Variants in GPC3 observed in about 807,000 individuals in gnomAD.
GPC3 encodes the protein glypican 3.
In GPC3, 3 loss-of-function variants were observed where a neutral mutation model predicts 34.4. The ratio of observed to expected loss-of-function variants is 0.09; its 90% CI spans 0.04 to 0.23. The LOEUF is 0.23. GPC3 is among the 10% of genes least tolerant of loss of function. The probability of loss-of-function intolerance (pLI) is 1.00; values close to 1 mark genes in which losing one functional copy is unlikely to be tolerated. For missense variants in GPC3, 351 were observed against 445.6 expected (o/e 0.79, Z 1.91); for synonymous variants, 177 against 174.0 (o/e 1.02, Z -0.13).
intron 5 of GPC3, among the ~76,000 whole-genome samples, chrX:133,662,642 T>C (rs1291733296): frequency 8.9e-6 from 1 of 112,264 alleles, no homozygotes; most frequent in African/African-American, 3.2e-5. Flanking sequence ...CCTTGTTGGT[T>C]CCAGACCTCT....
At chrX:133,806,937 C>T (rs892770433) in intron 2 of GPC3, among the ~76,000 whole-genome samples, 1 of 111,768 alleles carries the variant, frequency 8.9e-6, no homozygotes, top group Admixed American at 9.5e-5. Flanking sequence ...CGTGAGCCAC[C>T]GCACCCGGCC....
At chrX:133,889,294 C>T (rs183453921) in intron 2 of GPC3, among the ~76,000 whole-genome samples, 3 of 112,194 alleles carry the variant, frequency 2.7e-5, no homozygotes, top group Admixed American at 1.9e-4. Flanking sequence ...AAACATCCTG[C>T]AGTTTAGGAA....
At chrX:133,549,948 T>C (rs1569379585) in intron 7 of GPC3, among the ~76,000 whole-genome samples, 1 of 104,676 alleles carries the variant, frequency 9.6e-6, no homozygotes, top group African/African-American at 3.5e-5. Flanking sequence ...CTCTCCTTCC[T>C]CCCCCCTCTG....
chrX:133,661,575 TC>T (rs1852406429), intron 6 of GPC3, among the ~76,000 whole-genome samples, 154 bp downstream of exon 6: 4 of 6,789 alleles, frequency 5.9e-4, no homozygotes, highest in Admixed American at 1.1e-3. Context: ...TCTTTCTCTC[TC>T]TCTCTCTCTC....
chrX:133,693,200 TGA>T (rs1242661753), intron 4 of GPC3, among the ~76,000 whole-genome samples: 44 of 91,921 alleles, frequency 4.8e-4, no homozygotes, highest in Admixed American at 9.3e-4. Context: ...TGTGTGTGTG[TGA>T]GACAGAGAGA....
intron 3 of GPC3, among the ~76,000 whole-genome samples, chrX:133,744,227 A>G (rs1223312973): frequency 8.9e-6 from 1 of 112,197 alleles, no homozygotes; most frequent in Non-Finnish European, 1.9e-5. Context: ...TGAACAGGCA[A>G]CCTACAGAAT....
intron 6 of GPC3, among the ~76,000 whole-genome samples, chrX:133,635,724 C>A (rs1326295546): frequency 2.7e-5 from 3 of 109,882 alleles, no homozygotes; most frequent in Admixed American, 9.9e-5. Flanking sequence ...AGAAGTGAGA[C>A]CTTATGCAGA....
At chrX:133,643,571 T>C (rs937499783) in intron 6 of GPC3, among the ~76,000 whole-genome samples, 9 of 111,857 alleles carry the variant, frequency 8.0e-5, no homozygotes, top group Non-Finnish European at 1.9e-5. Flanking sequence ...ATACTACTAA[T>C]GTTTTGATAT....
chrX:133,717,303 A>G (rs868170349), intron 3 of GPC3, among the ~76,000 whole-genome samples: 1 of 110,888 alleles, frequency 9.0e-6, no homozygotes, highest in South Asian at 3.9e-4. Context: ...CAAGAAGGCA[A>G]TGGGATTAAG....
chrX:133,947,619 C>T (rs934736174), intron 2 of GPC3, among the ~76,000 whole-genome samples: 2 of 111,611 alleles, frequency 1.8e-5, no homozygotes, highest in Non-Finnish European at 3.8e-5. Flanking sequence ...TTTCCAATTG[C>T]CCTAATAATT....
intron 6 of GPC3, among the ~76,000 whole-genome samples, chrX:133,653,823 T>C (rs147508729): frequency 0.037 from 4,118 of 112,194 alleles, 188 homozygotes; most frequent in African/African-American, 0.13. Context: ...GTACTTACTG[T>C]ATAAGAAAAT....
At chrX:133,594,780 G>A (rs2069894726) in intron 7 of GPC3, among the ~76,000 whole-genome samples, 1 of 111,041 alleles carries the variant, frequency 9.0e-6, no homozygotes, top group Non-Finnish European at 1.9e-5. Flanking sequence ...ATGTTCTAGA[G>A]ATCTGTTGCA....
intron 3 of GPC3, among the ~76,000 whole-genome samples, chrX:133,701,151 G>T (rs951465041): frequency 9.0e-6 from 1 of 110,647 alleles, no homozygotes; most frequent in African/African-American, 3.3e-5. Context: ...TTCTTACTTA[G>T]CTCCATTCTA....
chrX:133,715,840 T>A (rs375258035), intron 3 of GPC3, among the ~76,000 whole-genome samples: 1 of 110,528 alleles, frequency 9.0e-6, no homozygotes, highest in East Asian at 2.9e-4. Context: ...GCATGCCAGA[T>A]CAAGAAAGAT....
At chrX:133,682,966 CAAAA>C (rs751037276) in intron 5 of GPC3, among the ~76,000 whole-genome samples, 1 of 50,253 alleles carries the variant, frequency 2.0e-5, no homozygotes. Flanking sequence ...GACTCTGACT[CAAAA>C]AAAAAAAAAA....
chrX:133,654,514 C>T (rs1316002459), intron 6 of GPC3, among the ~76,000 whole-genome samples: 2 of 110,916 alleles, frequency 1.8e-5, no homozygotes, highest in African/African-American at 6.6e-5. Flanking sequence ...GAGTTCGAGA[C>T]CAGCCTGGCC....
intron 2 of GPC3, chrX:133,763,307 T>G: frequency 1.8e-6 from 1 of 562,681 alleles, no homozygotes; most frequent in Non-Finnish European, 3.2e-6. Context: ...GCTCACTCAG[T>G]GGGTTTGATG....
chrX:133,701,653 C>T (rs2071168999), intron 3 of GPC3, among the ~76,000 whole-genome samples: 1 of 111,740 alleles, frequency 8.9e-6, no homozygotes. Context: ...GGATTTTGTG[C>T]GTCTAAGTTA....
chrX:133,796,836 A>C (rs907048208), intron 2 of GPC3, among the ~76,000 whole-genome samples: 1 of 111,483 alleles, frequency 9.0e-6, no homozygotes, highest in Non-Finnish European at 1.9e-5. Flanking sequence ...GAATGACTAC[A>C]GATGAGGCCT....
Sources: allele counts gnomAD v4.1 joint callset (sites outside exome capture counted in the v4.1 genomes callset), GRCh38; gene constraint gnomAD v4.1.1; transcripts MANE v1.5; gene names NCBI Gene and HGNC (gene_info 2026-07-23, HGNC 2026-07-21).